Variants in GRK1 observed in about 807,000 individuals in gnomAD.
The protein encoded by GRK1 is rhodopsin kinase GRK1.
GRK1 carries 28 observed loss-of-function variants against 41.7 expected under a neutral mutation model. The ratio of observed to expected loss-of-function variants is 0.67; its 90% CI spans 0.50 to 0.92. The LOEUF (loss-of-function observed/expected upper bound fraction) is 0.92. Among genes scored for constraint, GRK1 ranks in the 40% least tolerant of loss-of-function variants. The pLI, the probability that GRK1 is intolerant of heterozygous loss-of-function variation, is 0.00. For synonymous variants in GRK1, 327 were observed against 286.7 expected, an observed-to-expected ratio of 1.14 and a Z score of -1.42; for missense variants, 703 against 671.2, an observed-to-expected ratio of 1.05 and a Z score of -0.52.
intron 6 of GRK1, among the ~76,000 whole-genome samples, chr13:113,734,094 A>G (rs1311707752): frequency 6.6e-6 from 1 of 152,184 alleles, no homozygotes; most frequent in Non-Finnish European, 1.5e-5. Context: ...GTGTTCATGC[A>G]CTTTTGCATC....
intron 4 of GRK1, among the ~76,000 whole-genome samples, chr13:113,730,398 C>T (rs1272852737): frequency 6.6e-6 from 1 of 151,530 alleles, no homozygotes; most frequent in Non-Finnish European, 1.5e-5. Context: ...CCAGACCTGC[C>T]CCTCTATCCT....
At chr13:113,667,093 C>A (rs951707448), upstream of GRK1, 1 of 318,076 alleles carries the variant, frequency 3.1e-6, no homozygotes, top group Non-Finnish European at 5.8e-6. This position sits in a 1 kb window ranked among gnomAD's most constrained non-coding sequence, Gnocchi z 7.5. Flanking sequence ...ATGATCTAAT[C>A]GGATTCCAAG....
At chr13:113,665,839 G>T (rs2049814587), upstream of GRK1, among the ~76,000 whole-genome samples, 1 of 148,572 alleles carries the variant, frequency 6.7e-6, no homozygotes, top group South Asian at 2.1e-4. Context: ...AGGTGTCTCA[G>T]GTGTGCCCAA....
At chr13:113,725,236 C>T (rs188769233) in intron 4 of GRK1, among the ~76,000 whole-genome samples, 9 of 152,282 alleles carry the variant, frequency 5.9e-5, no homozygotes, top group Admixed American at 2.0e-4. Context: ...TCGGGGGACT[C>T]CCCCTTGCCA....
intron 2 of GRK1, among the ~76,000 whole-genome samples, chr13:113,670,900 AG>A: frequency 6.6e-6 from 1 of 152,162 alleles, no homozygotes; most frequent in African/African-American, 2.4e-5. Context: ...AGGGGTGCCC[AG>A]GGAGGGCCTG....
intron 6 of GRK1, among the ~76,000 whole-genome samples, chr13:113,733,899 A>ATG (rs1166303291): frequency 0.096 from 4,333 of 45,166 alleles, 321 homozygotes; most frequent in African/African-American, 0.29. Flanking sequence ...GCGTGTGTGT[A>ATG]TGTGTGCATA....
At chr13:113,658,063 G>A in the GRK1 span, 1 of 1,609,492 alleles carries the variant, frequency 6.2e-7, no homozygotes, top group Non-Finnish European at 8.5e-7. Context: ...CCCAGCATCT[G>A]CCCCGTGTCC....
At chr13:113,733,215 C>A in intron 6 of GRK1, 130 bp downstream of exon 6, 1 of 852,360 alleles carries the variant, frequency 1.2e-6, no homozygotes, top group Non-Finnish European at 1.8e-6. Context: ...CTCCCTCTGC[C>A]CCCAGCAAGG....
chr13:113,668,554 C>T (rs185395956), intron 1 of GRK1, among the ~76,000 whole-genome samples: 147 of 152,304 alleles, frequency 9.7e-4, no homozygotes, highest in Middle Eastern at 3.4e-3. Flanking sequence ...CAGAGCCTGG[C>T]GTGACGCCGG....
chr13:113,667,253 G>A lies in GRK1; in HGVS notation c.-134G>A, dbSNP rs1057058182. On this transcript the variant is annotated 5_prime_UTR_variant, in exon 1 of 7. Coordinates refer to ENST00000335678, the MANE Select transcript of GRK1 (RefSeq NM_002929.3). This position sits in a 1 kb window ranked among gnomAD's most constrained non-coding sequence, Gnocchi z 7.5. ...CAGGAACCCTCGACAGGGCCAGGGCGTCTCTCTCGTCCAGCAAGGGCAGGG... is the reference window on the plus strand; with the variant it reads ...CAGGAACCCTCGACAGGGCCAGGGCATCTCTCTCGTCCAGCAAGGGCAGGG... The A allele has an allele frequency of 2.3e-5, 20 of 881,896 alleles. No individual in the cohort carries two copies. In the East Asian group the frequency reaches 2.4e-4, roughly 11 times the overall value. 54.6% of individuals were successfully genotyped at this position (881,896 alleles called of 1,614,324 possible).
chr13:113,662,935 C>T (rs67013697), upstream of GRK1, among the ~76,000 whole-genome samples: 22,144 of 152,086 alleles, frequency 0.15, 1,807 homozygotes, highest in Middle Eastern at 0.23. Context: ...TAGATATATA[C>T]AAGATTATTC....
the GRK1 span, chr13:113,648,803 A>T: frequency 1.3e-5 from 2 of 152,148 alleles, no homozygotes; most frequent in Non-Finnish European, 2.9e-5. Flanking sequence ...TTAGAAGGAG[A>T]TTTTTAAGGA....
chr13:113,729,860 T>A (rs529753449), intron 4 of GRK1, among the ~76,000 whole-genome samples: 5 of 128,138 alleles, frequency 3.9e-5, no homozygotes, highest in African/African-American at 1.5e-4. Flanking sequence ...ACAGTCCCCA[T>A]GGATGCGCCC....
chr13:113,668,044 A>AT lies in GRK1; in HGVS notation c.658_659insT (p.Lys220IlefsTer39). 6.2e-7 allele frequency: 1 copy of AT among 1,611,082 alleles called. No homozygotes were observed. The highest frequency in any genetic ancestry group is 8.5e-7 in the Non-Finnish European group (1 of 1,178,774). On this transcript the variant is annotated frameshift_variant, in exon 1 of 7. Transcript: ENST00000335678. LOFTEE classifies it high-confidence loss of function. The stretch of plus-strand genomic sequence containing the variant: ...GACCGGCAAGCTGTATGCCTGCAAG[A>AT]AGCTGAACAAGAAGCGGCTGAAGAA...
chr13:113,727,280 C>T (rs1010575519), intron 4 of GRK1, among the ~76,000 whole-genome samples: 9 of 152,226 alleles, frequency 5.9e-5, no homozygotes, highest in South Asian at 2.1e-4. Flanking sequence ...TCATGGCTGC[C>T]GCCACTGGAG....
the GRK1 span, among the ~76,000 whole-genome samples, chr13:113,659,320 G>A: frequency 6.6e-6 from 1 of 152,310 alleles, no homozygotes; most frequent in Non-Finnish European, 1.5e-5. Context: ...GTGCTCAGGG[G>A]CCTTCTGACA....
chr13:113,668,070 G>C lies in GRK1; in HGVS notation c.684G>C (p.Lys228Asn), dbSNP rs549573569. The stretch of plus-strand genomic sequence containing the variant: ...AGCTGAACAAGAAGCGGCTGAAGAA[G>C]AGGAAGGGCTACCAGGTGAGCAGCG... ...CKKLNKKRLK[K>N]RKGYQGAMVE... The change falls in exon 1 of 7, where the codon AAG (lysine) becomes AAC (asparagine). Residue 228 changes from lysine to asparagine, a missense_variant. By Grantham distance (94) the Lys-to-Asn change is moderately conservative. Transcript: ENST00000335678. 6.2e-7 allele frequency: 1 copy of C among 1,607,454 alleles called. No individual in the cohort carries two copies. The highest frequency in any genetic ancestry group is 1.7e-5 in the Admixed American group (1 of 59,074).
At chr13:113,651,599 C>A in the GRK1 span, 7 of 1,456,964 alleles carry the variant, frequency 4.8e-6, no homozygotes, top group Non-Finnish European at 5.5e-6. Flanking sequence ...GGGCCGTGCC[C>A]AGCATGAACC....
chr13:113,668,229 C>A (rs974967337), intron 1 of GRK1, 144 bp downstream of exon 1: 6 of 853,548 alleles, frequency 7.0e-6, no homozygotes, highest in Non-Finnish European at 1.1e-5. Flanking sequence ...AGCCTCGCCA[C>A]GTGGGCGCCC....
Sources: gnomAD v4.1 joint callset for allele counts (sites outside exome capture counted in the v4.1 genomes callset) on GRCh38, gnomAD v4.1.1 for gene constraint, Gnocchi (gnomAD v3.1) non-coding constraint, MANE v1.5 for transcripts, NCBI Gene and HGNC (gene_info 2026-07-23, HGNC 2026-07-21) for gene names.